The following PHF21A variants were observed in gnomAD, a reference collection of about 807,000 sequenced individuals.
PHF21A encodes the protein BHC80a.
Under a neutral mutation model 82.5 loss-of-function variants are expected in PHF21A, and 11 were observed. The ratio of observed to expected loss-of-function variants is 0.13; its 90% CI spans 0.08 to 0.22. PHF21A has a LOEUF of 0.22. PHF21A is among the 10% of genes least tolerant of loss of function. The pLI, the probability that PHF21A is intolerant of heterozygous loss-of-function variation, is 1.00. For missense variants in PHF21A, 579 were observed against 837.8 expected (o/e 0.69, Z 3.81); for synonymous variants, 297 against 302.8 (o/e 0.98, Z 0.20).
chr11:46,037,680 T>C lies in PHF21A; in HGVS notation c.153+39074A>G, dbSNP rs184848700. Among the ~76,000 whole-genome samples the C allele has an allele frequency of 9.2e-5, 14 of 151,708 alleles. No homozygotes were observed. In the East Asian group the frequency reaches 2.7e-3, roughly 29 times the overall value. ...AAAAAAAAAGAGGGTGCTTATCTGA[T>C]TCTTATCCTTTTGTAAGTAACTTTT... is the stretch of plus-strand genomic sequence containing the variant. On this transcript the variant is annotated intron_variant, in intron 6 of 18. Transcript: ENST00000676320.
At chr11:45,966,579 T>C (rs1464561396) in intron 9 of PHF21A, among the ~76,000 whole-genome samples, 1 of 152,220 alleles carries the variant, frequency 6.6e-6, no homozygotes, top group Non-Finnish European at 1.5e-5. Context: ...TGAGGTAACA[T>C]ACCTGATTTT....
At chr11:46,026,977 T>C (rs948898891) in intron 6 of PHF21A, 3 of 152,196 alleles carry the variant, frequency 2.0e-5, no homozygotes, top group African/African-American at 7.2e-5. Context: ...GCATTCTCCA[T>C]TTTTATGTAG....
chr11:46,016,483 C>T (rs1381471687), intron 6 of PHF21A, among the ~76,000 whole-genome samples: 1 of 152,118 alleles, frequency 6.6e-6, no homozygotes, highest in African/African-American at 2.4e-5. Context: ...CTCTCTCATG[C>T]AACACCTTTC....
At chr11:46,096,454 C>T (rs1334260041) in intron 1 of PHF21A, among the ~76,000 whole-genome samples, 6 of 152,164 alleles carry the variant, frequency 3.9e-5, no homozygotes, top group African/African-American at 1.4e-4. Context: ...TCCCTCCATT[C>T]TTGTGAAGAT....
At chr11:46,037,315 A>C (rs2096025773) in intron 6 of PHF21A, among the ~76,000 whole-genome samples, 2 of 152,160 alleles carry the variant, frequency 1.3e-5, no homozygotes. Flanking sequence ...ATGAAATTCC[A>C]TTCTCTTCTA....
Position 45,979,769 on chromosome 11 carries a change from A to G in PHF21A, c.351T>C (p.Thr117=). Residue 117 remains threonine, a synonymous_variant, in exon 7 of 19, where the codon ACT becomes ACC. Coordinates refer to ENST00000676320, the MANE Select transcript of PHF21A (RefSeq NM_001352027.3). Reference sequence around the variant, plus strand: ...CCATCCACACATTTACCTGTGAAGCAGTCAGGTTGGGAGAGGCTGCAGCTG... The same window carrying G: ...CCATCCACACATTTACCTGTGAAGCGGTCAGGTTGGGAGAGGCTGCAGCTG... ...QQSAAASPNL[T]ASQKTVTTAS... The G allele has an allele frequency of 6.2e-7, 1 of 1,613,878 alleles. No homozygotes were observed. Among genetic ancestry groups the G allele is most frequent in the South Asian group, 1.1e-5 (1 of 91,066 alleles).
At chr11:46,067,060 T>A (rs1411050752) in intron 6 of PHF21A, among the ~76,000 whole-genome samples, 4 of 152,250 alleles carry the variant, frequency 2.6e-5, no homozygotes, top group Non-Finnish European at 4.4e-5. Flanking sequence ...ATATAGCTAA[T>A]GTATTCTTTA....
At chr11:46,120,011 C>A (rs1467104270) in intron 1 of PHF21A, 2 of 147,564 alleles carry the variant, frequency 1.4e-5, no homozygotes, top group Admixed American at 1.3e-4. Context: ...GCGGGAGGGC[C>A]GGCCCCGGGG....
intron 6 of PHF21A, among the ~76,000 whole-genome samples, chr11:46,007,759 C>T (rs2095329644): frequency 6.6e-6 from 1 of 152,150 alleles, no homozygotes; most frequent in Non-Finnish European, 1.5e-5. Flanking sequence ...GATGTGTACC[C>T]TTTACATAAC....
intron 6 of PHF21A, among the ~76,000 whole-genome samples, chr11:46,001,292 G>A (rs1165693447): frequency 6.6e-6 from 1 of 151,004 alleles, no homozygotes; most frequent in Non-Finnish European, 1.5e-5. Context: ...CACCAGGGGG[G>A]CTGGAAATGG....
intron 6 of PHF21A, among the ~76,000 whole-genome samples, chr11:45,995,377 CAG>C (rs2094868958): frequency 6.6e-6 from 1 of 152,184 alleles, no homozygotes; most frequent in Middle Eastern, 3.2e-3. Flanking sequence ...CCTGTCCTAA[CAG>C]AGACTCCCCT....
intron 6 of PHF21A, among the ~76,000 whole-genome samples, chr11:46,010,066 A>G (rs562179089): frequency 1.1e-4 from 16 of 152,344 alleles, no homozygotes; most frequent in Admixed American, 2.0e-4. Context: ...TTGCTTAACC[A>G]TATCATACTA....
intron 6 of PHF21A, among the ~76,000 whole-genome samples, chr11:45,994,298 T>C (rs1272458905): frequency 6.6e-6 from 1 of 152,224 alleles, no homozygotes; most frequent in Non-Finnish European, 1.5e-5. Context: ...TTTAAAAATT[T>C]GATTCACTAA....
At chr11:45,971,095 G>A (rs374432074) in intron 8 of PHF21A, 21 bp downstream of exon 8, 1 of 1,613,370 alleles carries the variant, frequency 6.2e-7, no homozygotes, top group African/African-American at 1.3e-5. Flanking sequence ...GATCACACAT[G>A]AGGAGCAGCT....
intron 9 of PHF21A, among the ~76,000 whole-genome samples, chr11:45,965,820 ATTCT>A (rs2093402285): frequency 1.3e-5 from 2 of 152,060 alleles, no homozygotes; most frequent in Non-Finnish European, 2.9e-5. Flanking sequence ...ATAGCTTTTG[ATTCT>A]AAACCCTGAG....
intron 11 of PHF21A, among the ~76,000 whole-genome samples, chr11:45,950,781 C>A (rs1220912066): frequency 3.3e-5 from 5 of 152,164 alleles, no homozygotes; most frequent in Non-Finnish European, 5.9e-5. Context: ...TTCATACTCA[C>A]AAAACATGCA....
chr11:45,935,662 C>T lies in PHF21A; in HGVS notation c.1762G>A (p.Val588Met). 6.5e-7 allele frequency: 1 copy of T among 1,537,980 alleles called. No homozygotes were observed. Among genetic ancestry groups the T allele is most frequent in the Non-Finnish European group, 9.0e-7 (1 of 1,113,254 alleles). ...KQEREQLEQK[V>M]KQLSNSISKC... is the part of the protein sequence containing the mutation. ...CTTATGGAATTGCTGAGCTGTTTCA[C>T]CTTTTGCTCTAGTTGTTCTCGTTCT... The change falls in exon 18 of 19, where the codon GTG (valine) becomes ATG (methionine). Residue 588 changes from valine (V) to methionine (M), a missense_variant. By Grantham distance (21) the Val-to-Met change is conservative (BLOSUM62 1). This residue lies in a region of PHF21A where 157 missense variants were observed against 149.4 expected (regional missense o/e 1.05). Transcript: ENST00000676320.
intron 6 of PHF21A, among the ~76,000 whole-genome samples, chr11:46,055,936 C>T (rs904075261): frequency 4.3e-4 from 66 of 152,262 alleles, no homozygotes; most frequent in African/African-American, 1.5e-3. Flanking sequence ...CAAATGAGGA[C>T]ACTGGTGACA....
chr11:46,090,179 C>CAT (rs1444167699), intron 3 of PHF21A, among the ~76,000 whole-genome samples: 1 of 151,628 alleles, frequency 6.6e-6, no homozygotes, highest in Non-Finnish European at 1.5e-5. Flanking sequence ...GGTATGAGAG[C>CAT]ATAGTGACAA....
Sources: allele counts gnomAD v4.1 joint callset (sites outside exome capture counted in the v4.1 genomes callset), GRCh38; gene constraint gnomAD v4.1.1; regional missense constraint gnomAD v4.1.1; transcripts MANE v1.5; gene names NCBI Gene and HGNC (gene_info 2026-07-23, HGNC 2026-07-21).